Variants in MTMR7 observed in about 807,000 individuals in gnomAD.
MTMR7 encodes phosphatidylinositol-3-phosphate phosphatase MTMR7.
MTMR7 carries 76 observed loss-of-function variants against 81.2 expected under a neutral mutation model. The ratio of observed to expected loss-of-function variants is 0.94; its 90% CI spans 0.78 to 1.13. The LOEUF (loss-of-function observed/expected upper bound fraction) is 1.13. MTMR7 is among the 50% of genes most tolerant of loss of function. The pLI is 0.00. For missense variants in MTMR7, 1,044 were observed against 820.0 expected (o/e 1.27, Z -3.34); for synonymous variants, 372 against 289.8 (o/e 1.28, Z -2.88).
chr8:17,303,426 G>T (rs1391055855), intron 12 of MTMR7, among the ~76,000 whole-genome samples: 2 of 152,148 alleles, frequency 1.3e-5, no homozygotes, highest in African/African-American at 4.8e-5. Context: ...GGAGTGAGTA[G>T]GAAGAAAGAG....
intron 1 of MTMR7, among the ~76,000 whole-genome samples, chr8:17,409,210 G>A (rs1276954277): frequency 6.6e-6 from 1 of 152,134 alleles, no homozygotes; most frequent in Non-Finnish European, 1.5e-5. Flanking sequence ...TGCAATCCCA[G>A]CACTTTGGGA....
intron 1 of MTMR7, among the ~76,000 whole-genome samples, chr8:17,405,165 T>C (rs1228066242): frequency 6.6e-6 from 1 of 152,230 alleles, no homozygotes; most frequent in East Asian, 1.9e-4. Flanking sequence ...CAGTTATTTA[T>C]TATAGTGACA....
At chr8:17,382,368 T>G (rs1472509145) in intron 1 of MTMR7, among the ~76,000 whole-genome samples, 1 of 152,220 alleles carries the variant, frequency 6.6e-6, no homozygotes, top group Non-Finnish European at 1.5e-5. Flanking sequence ...CGAGCTCTTC[T>G]TCTTTTTTGC....
chr8:17,325,612 T>C (rs1818642370), intron 7 of MTMR7, among the ~76,000 whole-genome samples: 1 of 152,208 alleles, frequency 6.6e-6, no homozygotes, highest in Non-Finnish European at 1.5e-5. Context: ...CCACATGCTC[T>C]GGGCTCACTT....
At chr8:17,344,502 T>G (rs1185422750) in intron 5 of MTMR7, among the ~76,000 whole-genome samples, 2 of 151,978 alleles carry the variant, frequency 1.3e-5, no homozygotes, top group Non-Finnish European at 2.9e-5. Context: ...TCCCAGCTGC[T>G]TGGGAGGCTG....
intron 1 of MTMR7, among the ~76,000 whole-genome samples, chr8:17,396,542 G>C (rs76480073): frequency 0.016 from 2,491 of 152,220 alleles, 78 homozygotes; most frequent in African/African-American, 0.056. Context: ...ACCAGCCTTA[G>C]CTAGAGGGAA....
intron 1 of MTMR7, among the ~76,000 whole-genome samples, chr8:17,397,298 T>C (rs935459217): frequency 6.6e-6 from 1 of 152,174 alleles, no homozygotes; most frequent in Non-Finnish European, 1.5e-5. Flanking sequence ...GCCAAGGCTC[T>C]TGACATCATT....
chr8:17,312,936 A>G (rs769634025), intron 8 of MTMR7, among the ~76,000 whole-genome samples: 1 of 152,188 alleles, frequency 6.6e-6, no homozygotes, highest in Non-Finnish European at 1.5e-5. Context: ...TGCTTATGCC[A>G]TGACTAAAAA....
chr8:17,305,045 G>A (rs1360189849), intron 11 of MTMR7, among the ~76,000 whole-genome samples: 3 of 152,070 alleles, frequency 2.0e-5, no homozygotes, highest in Non-Finnish European at 4.4e-5. Flanking sequence ...GACCCTAAAG[G>A]ATACACTCTG....
At position 17,349,271 on chromosome 8, in the gene MTMR7, A is replaced by T. The variant is rs1202319431; in HGVS notation, c.469-190T>A. ...GAAGTGCCGCTGATTCTATGTAATC[A>T]TTCTGAAGGAACGCAAGCTACCCTT... On this transcript the variant is annotated intron_variant, in intron 4 of 13. Coordinates refer to ENST00000180173, the MANE Select transcript of MTMR7 (RefSeq NM_004686.5). 6.9e-6 allele frequency: 4 copies of T among 575,544 alleles called. No individual in the cohort carries two copies. In the East Asian group the frequency reaches 8.7e-5, roughly 13 times the overall value. The allele number at this position is 575,544 out of a possible 1,614,324, so 35.7% of individuals were successfully genotyped here.
At chr8:17,317,993 G>C (rs1818185881) in intron 7 of MTMR7, among the ~76,000 whole-genome samples, 1 of 152,058 alleles carries the variant, frequency 6.6e-6, no homozygotes, top group Non-Finnish European at 1.5e-5. Context: ...AACTGGAACA[G>C]AAACAAGAAA....
intron 7 of MTMR7, among the ~76,000 whole-genome samples, chr8:17,320,368 T>C (rs1818320277): frequency 6.6e-6 from 1 of 152,088 alleles, no homozygotes; most frequent in Admixed American, 6.5e-5. Flanking sequence ...CCTGAGATGA[T>C]GCATGATAGC....
At chr8:17,382,727 C>T (rs538783574) in intron 1 of MTMR7, among the ~76,000 whole-genome samples, 47 of 152,096 alleles carry the variant, frequency 3.1e-4, no homozygotes, top group Non-Finnish European at 5.9e-4. Flanking sequence ...TTTGAGACCA[C>T]TACAGTAATG....
rs1202455747 is a variant in MTMR7 at position 17,298,438 on chromosome 8, T to TTTATATA, written c.*1417_*1423dup. 1 of 152,350 alleles carries TTTATATA rather than the reference T, an allele frequency of 6.6e-6. No individual in the cohort carries two copies. The highest frequency in any genetic ancestry group is 1.5e-5 in the Non-Finnish European group (1 of 67,950). 9.4% of individuals were successfully genotyped at this position (152,350 alleles called of 1,614,324 possible). A position where few individuals can be genotyped will look rare whatever the true frequency, so the allele number is the denominator to read the frequency against. ...TGATGAACACAATTAAATGTTTTCA[T>TTTATATA]TTATATATATTGCAACACTCCCTCC... On this transcript the variant is annotated 3_prime_UTR_variant, in exon 14 of 14. Transcript: ENST00000180173.
At chr8:17,396,326 G>A (rs957394563) in intron 1 of MTMR7, among the ~76,000 whole-genome samples, 5 of 152,188 alleles carry the variant, frequency 3.3e-5, no homozygotes, top group Non-Finnish European at 7.3e-5. Context: ...GCACTGACAA[G>A]GGTAACAAAG....
At chr8:17,309,775 C>A (rs1586153054) in intron 9 of MTMR7, among the ~76,000 whole-genome samples, 1 of 152,292 alleles carries the variant, frequency 6.6e-6, no homozygotes, top group Non-Finnish European at 1.5e-5. Context: ...TGTGATGCTG[C>A]CTCTCAGTGT....
In MTMR7 at chr8:17,349,016, C is replaced by T. The variant is rs761641200; in HGVS notation, c.534G>A (p.Gly178=). 17 of 1,613,008 alleles carry T rather than the reference C, an allele frequency of 1.1e-5. 1 individual carries two copies. The South Asian group carries it at 1.5e-4, about 15-fold the overall frequency. Residue 178 remains glycine, a synonymous_variant, in exon 5 of 14, where the codon GGG becomes GGA. Coordinates refer to ENST00000180173, the MANE Select transcript of MTMR7 (RefSeq NM_004686.5). ...GCCGTCTACTCCGGAATTTGGAACT[C>T]CCCACTATGATGTGTGCCGTGGCCG... ...PKSATAHIIV[G]SSKFRSRRRF... is the part of the protein sequence containing the mutation.
intron 1 of MTMR7, among the ~76,000 whole-genome samples, chr8:17,374,389 G>A (rs375656064): frequency 6.0e-4 from 91 of 152,178 alleles, no homozygotes; most frequent in East Asian, 2.5e-3. Context: ...TTGGGAGGCC[G>A]AGGCAGGTGG....
At chr8:17,406,345 T>C (rs1681010476) in intron 1 of MTMR7, among the ~76,000 whole-genome samples, 1 of 152,146 alleles carries the variant, frequency 6.6e-6, no homozygotes, top group Non-Finnish European at 1.5e-5. Context: ...GAATAAGCAT[T>C]TCTCCAAAAA....
Sources: allele counts gnomAD v4.1 joint callset (sites outside exome capture counted in the v4.1 genomes callset), GRCh38; gene constraint gnomAD v4.1.1; transcripts MANE v1.5; gene names NCBI Gene and HGNC (gene_info 2026-07-23, HGNC 2026-07-21).